Variants in PSMG2 observed in about 807,000 individuals in gnomAD.
PSMG2 encodes the protein CD40 ligand-activated specific transcript 3.
A neutral mutation model predicts 31.5 loss-of-function variants in PSMG2; 21 were observed. That is an observed-to-expected ratio of 0.67 (90% CI 0.47 to 0.96). The LOEUF is 0.96. Ranked by LOEUF, PSMG2 falls within the 40% of genes least tolerant of loss-of-function variation. The pLI is 0.00. For synonymous variants in PSMG2, 120 were observed against 110.4 expected, an observed-to-expected ratio of 1.09 and a Z score of -0.54; for missense variants, 318 against 321.2, an observed-to-expected ratio of 0.99 and a Z score of 0.08.
intron 1 of PSMG2, among the ~76,000 whole-genome samples, chr18:12,683,066 C>G (rs1009917965): frequency 6.6e-6 from 1 of 151,732 alleles, no homozygotes; most frequent in African/African-American, 2.4e-5. Flanking sequence ...AACTTTATGG[C>G]CAGGTGTGCC....
At chr18:12,695,852 C>CCACA (rs375916938) in intron 1 of PSMG2, among the ~76,000 whole-genome samples, 14,544 of 148,280 alleles carry the variant, frequency 0.098, 890 homozygotes, top group South Asian at 0.22. Flanking sequence ...CATTCCTTCT[C>CCACA]CACACACACA....
At chr18:12,681,311 G>A (rs1178088748) in intron 1 of PSMG2, among the ~76,000 whole-genome samples, 2 of 144,306 alleles carry the variant, frequency 1.4e-5, no homozygotes, top group Non-Finnish European at 3.0e-5. Flanking sequence ...CCAGGCTGGT[G>A]ACATGATTCA....
chr18:12,720,189 A>G (rs2040417423), intron 4 of PSMG2, among the ~76,000 whole-genome samples: 1 of 152,224 alleles, frequency 6.6e-6, no homozygotes, highest in South Asian at 2.1e-4. Context: ...CCAGGATGAA[A>G]AAATACCAAC....
intron 5 of PSMG2, among the ~76,000 whole-genome samples, chr18:12,722,024 G>A (rs1166428745): frequency 6.6e-6 from 1 of 152,046 alleles, no homozygotes; most frequent in African/African-American, 2.4e-5. Context: ...CTTTCTAAGA[G>A]TCAACTTACC....
intron 1 of PSMG2, among the ~76,000 whole-genome samples, chr18:12,705,066 CTTTTT>C (rs1013314195): frequency 3.5e-5 from 5 of 144,568 alleles, no homozygotes; most frequent in African/African-American, 1.3e-4. Context: ...TAATATTGAA[CTTTTT>C]TTTTTTTTTG....
intron 3 of PSMG2, among the ~76,000 whole-genome samples, chr18:12,716,395 T>C (rs2040376486): frequency 6.7e-6 from 1 of 149,768 alleles, no homozygotes; most frequent in African/African-American, 2.4e-5. Flanking sequence ...AGTGAATTTT[T>C]TTTTTTTTTT....
At chr18:12,690,746 C>G (rs542368967) in intron 1 of PSMG2, among the ~76,000 whole-genome samples, 1 of 152,108 alleles carries the variant, frequency 6.6e-6, no homozygotes, top group Non-Finnish European at 1.5e-5. Context: ...TGAGCCACCG[C>G]GCCTAGCTGA....
At chr18:12,703,201 G>T (rs752746905) in intron 1 of PSMG2, 37 bp downstream of exon 1, 22 of 1,580,068 alleles carry the variant, frequency 1.4e-5, no homozygotes, top group Non-Finnish European at 1.5e-5. Flanking sequence ...GCCGCCTCCC[G>T]AGGCCCCTGC....
chr18:12,707,933 G>A (rs138179154), intron 2 of PSMG2, among the ~76,000 whole-genome samples: 23 of 152,186 alleles, frequency 1.5e-4, no homozygotes, highest in Non-Finnish European at 1.8e-4. Context: ...CTTTGTCAAC[G>A]CAAGACTAAA....
intron 2 of PSMG2, among the ~76,000 whole-genome samples, chr18:12,707,083 G>A (rs903010647): frequency 9.2e-5 from 14 of 152,152 alleles, no homozygotes; most frequent in African/African-American, 3.4e-4. Context: ...AGCCTCCCGA[G>A]TAGCTGGGAC....
At chr18:12,680,125 T>C (rs1206838130) in intron 1 of PSMG2, among the ~76,000 whole-genome samples, 1 of 152,102 alleles carries the variant, frequency 6.6e-6, no homozygotes, top group East Asian at 1.9e-4. Flanking sequence ...ATTTACTGTT[T>C]ACCAACATCA....
chr18:12,686,310 A>C, intron 1 of PSMG2: 1 of 1,614,024 alleles, frequency 6.2e-7, no homozygotes, highest in East Asian at 2.2e-5. Context: ...GCTCCTGTTT[A>C]CCTCCTCCTC....
At chr18:12,688,520 C>T (rs1014391868) in intron 1 of PSMG2, among the ~76,000 whole-genome samples, 18 of 152,014 alleles carry the variant, frequency 1.2e-4, no homozygotes, top group South Asian at 2.1e-4. Context: ...AAGCATTTGC[C>T]TAAGTCAATC....
chr18:12,711,506 C>T (rs1024097553), intron 2 of PSMG2, among the ~76,000 whole-genome samples: 17 of 152,112 alleles, frequency 1.1e-4, no homozygotes, highest in African/African-American at 3.9e-4. Flanking sequence ...TCCTAAACTT[C>T]CTTTGGACTG....
At chr18:12,667,917 A>AC (rs1013087443) in intron 1 of PSMG2, among the ~76,000 whole-genome samples, 3 of 149,682 alleles carry the variant, frequency 2.0e-5, no homozygotes, top group Non-Finnish European at 3.0e-5. Flanking sequence ...GGAAAAAAAC[A>AC]CGAGGGAAAA....
intron 1 of PSMG2, chr18:12,673,261 G>A (rs2038993332): frequency 6.8e-7 from 1 of 1,467,262 alleles, no homozygotes; most frequent in Non-Finnish European, 9.0e-7. Context: ...TGCCATTCAA[G>A]CCAGATTGTG....
chr18:12,664,271 T>C (rs1045323619), intron 1 of PSMG2, among the ~76,000 whole-genome samples: 1 of 152,138 alleles, frequency 6.6e-6, no homozygotes, highest in African/African-American at 2.4e-5. Context: ...AGGCCGGGCA[T>C]GGTGGCTCAC....
chr18:12,712,448 A>G (rs1011489101), intron 2 of PSMG2, among the ~76,000 whole-genome samples: 1 of 152,222 alleles, frequency 6.6e-6, no homozygotes, highest in Non-Finnish European at 1.5e-5. Flanking sequence ...AAGTCAAAAG[A>G]AAAATAATTT....
chr18:12,708,304 A>T (rs550120084), intron 2 of PSMG2, among the ~76,000 whole-genome samples: 1 of 152,066 alleles, frequency 6.6e-6, no homozygotes, highest in African/African-American at 2.4e-5. Context: ...GAATTTGTAT[A>T]CTTTCCACTA....
Sources: gnomAD v4.1 joint callset for allele counts (sites outside exome capture counted in the v4.1 genomes callset) on GRCh38, gnomAD v4.1.1 for gene constraint, MANE v1.5 for transcripts, NCBI Gene and HGNC (gene_info 2026-07-23, HGNC 2026-07-21) for gene names.